Variants in WDFY4 observed in about 807,000 individuals in gnomAD.
The protein encoded by WDFY4 is WD repeat- and FYVE domain-containing protein 4.
A neutral mutation model predicts 351.9 loss-of-function variants in WDFY4; 169 were observed. The ratio of observed to expected loss-of-function variants is 0.48; its 90% CI spans 0.42 to 0.55. The LOEUF (loss-of-function observed/expected upper bound fraction) is 0.55, where lower values mean the gene tolerates loss of function less well. Among genes scored for constraint, WDFY4 ranks in the 20% least tolerant of loss-of-function variants. WDFY4 has a pLI of 0.00. For missense variants in WDFY4, 3,803 were observed against 3,935.6 expected, an observed-to-expected ratio of 0.97 and a Z score of 0.90; for synonymous variants, 1,622 against 1,574.6, an observed-to-expected ratio of 1.03 and a Z score of -0.71.
At chr10:48,746,543 GA>G (rs1352024170) in intron 12 of WDFY4, among the ~76,000 whole-genome samples, 1 of 151,786 alleles carries the variant, frequency 6.6e-6, no homozygotes, top group Non-Finnish European at 1.5e-5. Flanking sequence ...TTTAACTGGA[GA>G]AAGTCATTTG....
In WDFY4 at chr10:48,948,393, C is replaced by T. The variant is rs921350572; in HGVS notation, c.7977+1424C>T. ...TTAATCCACAAGAAATGATGATCACCGTTGACGATGATAGTGATGGATTCC... is the reference window on the plus strand; with the variant it reads ...TTAATCCACAAGAAATGATGATCACTGTTGACGATGATAGTGATGGATTCC... On this transcript the variant is annotated intron_variant, in intron 51 of 61. Transcript: ENST00000325239. Among the ~76,000 whole-genome samples the T allele has an allele frequency of 3.3e-5, 5 of 152,314 alleles. No homozygotes were observed. In the East Asian group the frequency reaches 5.8e-4, roughly 18 times the overall value.
At position 48,969,172 on chromosome 10, in the gene WDFY4, C is replaced by T. The variant is rs990420244; in HGVS notation, c.8693C>T (p.Pro2898Leu). 3.2e-6 allele frequency: 5 copies of T among 1,551,590 alleles called. No homozygotes were observed. The highest frequency in any genetic ancestry group is 1.7e-4 in the Middle Eastern group (1 of 6,016). Residue 2898 changes from proline to leucine, a missense_variant, in exon 56 of 62, where the codon CCT becomes CTT. Physicochemically the swap from Pro to Leu is moderately conservative, Grantham distance 98. Coordinates refer to ENST00000325239, the MANE Select transcript of WDFY4 (RefSeq NM_001394531.1). Reference protein sequence around the residue: ...LAVERNKVLLPPLWNRTFSWG... With the variant: ...LAVERNKVLLLPLWNRTFSWG... ...GTAGAGAGGAACAAAGTGCTGCTGC[C>T]TCCTCTCTGGAACAGGACCTTCAGC...
Position 48,973,312 on chromosome 10 carries a change from CTTAGGCAGTTTTCATTTTCCTAGG to C in WDFY4, c.8929-1549_8929-1526del, listed in dbSNP as rs534959483. ...CAACTCCTCTGCTTTCTCCTGCTCA[CTTAGGCAGTTTTCATTTTCCTAGG>C]ATGACCCAAATCTTCTTCTGTGGGT... is the stretch of plus-strand genomic sequence containing the variant. On this transcript the variant is annotated intron_variant, in intron 57 of 61. Transcript: ENST00000325239. Among the ~76,000 whole-genome samples, 262 of 152,336 alleles carry C rather than the reference CTTAGGCAGTTTTCATTTTCCTAGG, an allele frequency of 1.7e-3. 1 individual carries two copies. The highest frequency in any genetic ancestry group is 4.0e-3 in the African/African-American group (166 of 41,574).
intron 1 of WDFY4, among the ~76,000 whole-genome samples, chr10:48,708,576 A>G (rs1396688903): frequency 2.0e-5 from 3 of 152,218 alleles, no homozygotes; most frequent in Non-Finnish European, 4.4e-5. Context: ...AGACAAACAA[A>G]CAATAAACTA....
intron 11 of WDFY4, among the ~76,000 whole-genome samples, chr10:48,737,699 A>G (rs1424836151): frequency 1.3e-5 from 2 of 152,252 alleles, no homozygotes; most frequent in Non-Finnish European, 2.9e-5. Context: ...GTACGAAACA[A>G]AAAAAGGAAA....
rs1466193454 is a variant in WDFY4 at position 48,946,848 on chromosome 10, T to A, written c.7868-12T>A. ...TAAGGAAGCAGCCCTCAAGCATGTGTTTTTGTTGCAGGAGACATGACTGTC... is the reference window on the plus strand; with the variant it reads ...TAAGGAAGCAGCCCTCAAGCATGTGATTTTGTTGCAGGAGACATGACTGTC... On this transcript the variant is annotated splice_polypyrimidine_tract_variant and intron_variant, in intron 50 of 61. Coordinates refer to ENST00000325239, the MANE Select transcript of WDFY4 (RefSeq NM_001394531.1). The A allele has an allele frequency of 6.5e-7, 1 of 1,548,920 alleles. No homozygotes were observed. The highest frequency in any genetic ancestry group is 8.7e-7 in the Non-Finnish European group (1 of 1,144,508).
intron 39 of WDFY4, among the ~76,000 whole-genome samples, chr10:48,848,490 C>A (rs2068851686): frequency 6.6e-6 from 1 of 152,220 alleles, no homozygotes; most frequent in Admixed American, 6.5e-5. Context: ...GCTGCCCACC[C>A]TGACCCTGCT....
intron 19 of WDFY4, among the ~76,000 whole-genome samples, chr10:48,782,085 G>A (rs562424502): frequency 6.6e-6 from 1 of 152,326 alleles, no homozygotes; most frequent in South Asian, 2.1e-4. Context: ...GCAATTTGGT[G>A]ACTGTGAATG....
Position 48,743,095 on chromosome 10 carries a change from G to C in WDFY4, c.2006G>C (p.Trp669Ser), listed in dbSNP as rs1356043362. The change falls in exon 12 of 62, where the codon TGG becomes TCG. Residue 669 changes from tryptophan (W) to serine (S), a missense_variant. Physicochemically the swap from Trp to Ser is radical, Grantham distance 177. This residue lies in a region of WDFY4 where 3,054 missense variants were observed against 3,148.6 expected (regional missense o/e 0.97). Coordinates refer to ENST00000325239, the MANE Select transcript of WDFY4 (RefSeq NM_001394531.1). ...CTCCAGGAGCCCCCGCTGCAGGCAT[G>C]GGGAGCAGTATCCCCCAGACAGACC... The part of the protein sequence containing the change: ...GSLQEPPLQA[W>S]GAVSPRQTLE... The C allele has an allele frequency of 3.2e-6, 5 of 1,551,570 alleles. No individual in the cohort carries two copies. Among genetic ancestry groups the C allele is most frequent in the Non-Finnish European group, 1.7e-6 (2 of 1,146,998 alleles).
intron 24 of WDFY4, chr10:48,802,662 C>G: frequency 2.1e-6 from 1 of 470,570 alleles, no homozygotes; most frequent in South Asian, 1.5e-5. Flanking sequence ...ATGAAAACAA[C>G]CTGAGTGATC....
intron 31 of WDFY4, among the ~76,000 whole-genome samples, chr10:48,816,604 G>T (rs1338607063): frequency 1.3e-5 from 2 of 152,196 alleles, no homozygotes; most frequent in African/African-American, 2.4e-5. Context: ...TATATTTTCT[G>T]TATGGAGCAT....
chr10:48,691,564 T>A (rs2063197460), intron 1 of WDFY4, among the ~76,000 whole-genome samples: 1 of 152,190 alleles, frequency 6.6e-6, no homozygotes, highest in African/African-American at 2.4e-5. Flanking sequence ...CCCCTTGCCC[T>A]CCCTGCAGTG....
At position 48,867,217 on chromosome 10, in the gene WDFY4, A is replaced by AAAATAAAATAAAATAAAATC. The variant is rs777622148; in HGVS notation, c.6664-44_6664-43insAAAATAAAATAAAATCAAAT. The AAAATAAAATAAAATAAAATC allele has an allele frequency of 1.3e-5, 11 of 835,700 alleles. No individual in the cohort carries two copies. In the East Asian group the frequency reaches 2.6e-4, roughly 19 times the overall value. The allele number at this position is 835,700 out of a possible 1,614,324, so 51.8% of individuals were successfully genotyped here. On this transcript the variant is annotated intron_variant, in intron 39 of 61. Coordinates refer to ENST00000325239, the MANE Select transcript of WDFY4 (RefSeq NM_001394531.1). ...AAAATAAAATAAAATAAAATAAAAT[A>AAAATAAAATAAAATAAAATC]AAATCACAACTATCATTAAGCTGTG...
At chr10:48,915,622 T>C (rs1838449841) in intron 47 of WDFY4, among the ~76,000 whole-genome samples, 1 of 152,138 alleles carries the variant, frequency 6.6e-6, no homozygotes, top group African/African-American at 2.4e-5. Context: ...AATATAGTTG[T>C]ATGTTTTCCT....
chr10:48,851,825 C>T (rs2068966870), intron 39 of WDFY4, among the ~76,000 whole-genome samples: 1 of 152,218 alleles, frequency 6.6e-6, no homozygotes, highest in Non-Finnish European at 1.5e-5. Context: ...TTAGAAGTGA[C>T]CCTCCATGGA....
At chr10:48,864,708 A>C (rs2069480158) in intron 39 of WDFY4, among the ~76,000 whole-genome samples, 1 of 152,228 alleles carries the variant, frequency 6.6e-6, no homozygotes, top group South Asian at 2.1e-4. Flanking sequence ...ACTTGTTACC[A>C]TACATATGGG....
rs1842528324 is a variant in WDFY4 at position 48,975,493 on chromosome 10, C to T, written c.9108+452C>T. ...TGTGAAATTTCTTCCAGACTGAAGC[C>T]CTGTCATGGGATATGGGGTTCCCTG... On this transcript the variant is annotated intron_variant, in intron 58 of 61. Transcript: ENST00000325239. 2.0e-5 allele frequency among the ~76,000 whole-genome samples: 3 copies of T among 152,104 alleles called. No homozygotes were observed. The South Asian group carries it at 6.2e-4, about 32-fold the overall frequency.
intron 51 of WDFY4, among the ~76,000 whole-genome samples, chr10:48,955,873 C>A (rs550139662): frequency 6.6e-6 from 1 of 152,264 alleles, no homozygotes; most frequent in African/African-American, 2.4e-5. Flanking sequence ...GTGGCCCTGC[C>A]CCTTGTTCCA....
intron 18 of WDFY4, 44 bp from the exon 19 acceptor site, chr10:48,779,897 G>T (rs1203236306): frequency 1.9e-6 from 3 of 1,548,660 alleles, no homozygotes; most frequent in Non-Finnish European, 2.6e-6. Context: ...GGTTCCTGCA[G>T]TGTAGCACCA....
Sources: gnomAD v4.1 joint callset for allele counts (sites outside exome capture counted in the v4.1 genomes callset) on GRCh38, gnomAD v4.1.1 for gene constraint, gnomAD v4.1.1 regional missense constraint, MANE v1.5 for transcripts, NCBI Gene and HGNC (gene_info 2026-07-23, HGNC 2026-07-21) for gene names.